ITGB6: variants seen among roughly 807,000 people sequenced by gnomAD.
The protein encoded by ITGB6 is integrin subunit beta 6.
In ITGB6, 80 loss-of-function variants were observed where a neutral mutation model predicts 84.5. The observed-to-expected ratio is 0.95, with a 90% CI of 0.79 to 1.14. The LOEUF is 1.14. Among genes scored for constraint, ITGB6 ranks in the 50% most tolerant of loss-of-function variants. The pLI, the probability that ITGB6 is intolerant of heterozygous loss-of-function variation, is 0.00. For synonymous variants in ITGB6, 383 were observed against 354.9 expected, an observed-to-expected ratio of 1.08 and a Z score of -0.89; for missense variants, 1,006 against 968.0, an observed-to-expected ratio of 1.04 and a Z score of -0.52.
chr2:160,190,975 A>T (rs1424798070), intron 4 of ITGB6, among the ~76,000 whole-genome samples: 2 of 152,202 alleles, frequency 1.3e-5, no homozygotes, highest in Non-Finnish European at 2.9e-5. Context: ...GAATTGCCCT[A>T]CTAATCTCTC....
At chr2:160,139,106 A>G (rs1313098176) in intron 8 of ITGB6, among the ~76,000 whole-genome samples, 1 of 152,200 alleles carries the variant, frequency 6.6e-6, no homozygotes, top group East Asian at 1.9e-4. Context: ...TTTCCTCAAG[A>G]AGTTTATCAT....
intron 5 of ITGB6, among the ~76,000 whole-genome samples, chr2:160,173,514 G>A (rs1019993989): frequency 6.6e-6 from 1 of 152,196 alleles, no homozygotes; most frequent in Non-Finnish European, 1.5e-5. Flanking sequence ...CAGTCAAGGA[G>A]GAGCAGTGTT....
chr2:160,110,231 A>C (rs1697079162), intron 13 of ITGB6, among the ~76,000 whole-genome samples: 3 of 152,166 alleles, frequency 2.0e-5, no homozygotes, highest in Non-Finnish European at 4.4e-5. Flanking sequence ...CAGACCTAGA[A>C]AATTATTTAA....
chr2:160,117,214 T>C (rs554559311), intron 12 of ITGB6, among the ~76,000 whole-genome samples: 4 of 152,210 alleles, frequency 2.6e-5, no homozygotes, highest in East Asian at 1.9e-4. Context: ...AATATACATT[T>C]TTTTCAGCAC....
chr2:160,104,898 G>A (rs942022702), intron 14 of ITGB6, among the ~76,000 whole-genome samples: 1 of 152,186 alleles, frequency 6.6e-6, no homozygotes, highest in African/African-American at 2.4e-5. Flanking sequence ...TCTGTCTTAA[G>A]CCCTGTCACT....
chr2:160,170,192 A>G (rs1685150237), intron 6 of ITGB6, among the ~76,000 whole-genome samples: 1 of 152,226 alleles, frequency 6.6e-6, no homozygotes, highest in South Asian at 2.1e-4. Context: ...AAAGGGAGGA[A>G]CACTGATAAA....
chr2:160,191,641 T>C (rs1686148052), intron 4 of ITGB6, among the ~76,000 whole-genome samples: 1 of 152,110 alleles, frequency 6.6e-6, no homozygotes, highest in African/African-American at 2.4e-5. Flanking sequence ...CTACATCAAC[T>C]TAAAAGGGTA....
intron 7 of ITGB6, among the ~76,000 whole-genome samples, chr2:160,149,003 C>T (rs920984497): frequency 2.0e-5 from 3 of 152,238 alleles, no homozygotes; most frequent in African/African-American, 7.2e-5. Context: ...CTCTAGACTC[C>T]ACCACTGTAG....
chr2:160,137,754 A>C lies in ITGB6; in HGVS notation c.1340T>G (p.Leu447Arg). 2 of 1,614,226 alleles carry C rather than the reference A, an allele frequency of 1.2e-6. No individual in the cohort carries two copies. The highest frequency in any genetic ancestry group is 1.7e-6 in the Non-Finnish European group (2 of 1,180,038). The change falls in exon 10 of 15, where the codon CTT (leucine) becomes CGT (arginine). Residue 447 changes from leucine (L) to arginine (R), a missense_variant. Physicochemically the swap from Leu to Arg is moderately radical, Grantham distance 102 (BLOSUM62 -2). Transcript: ENST00000283249. ...GTCGCAGTTGCATTCTGGGCTGACA[A>C]GTAATTCCAGGGCATCCCCCAGCCC... ...PVGLGDALEL[L>R]VSPECNCDCQ...
At chr2:160,147,036 C>T (rs2105831870) in intron 7 of ITGB6, among the ~76,000 whole-genome samples, 1 of 147,562 alleles carries the variant, frequency 6.8e-6, no homozygotes, top group South Asian at 2.1e-4. Flanking sequence ...GAGGTTGGGG[C>T]TGCAGCCACT....
At chr2:160,172,073 G>A (rs954624089) in intron 6 of ITGB6, among the ~76,000 whole-genome samples, 2 of 152,178 alleles carry the variant, frequency 1.3e-5, no homozygotes, top group Non-Finnish European at 2.9e-5. Flanking sequence ...AGAGTTAGCT[G>A]TTTTCTTTGA....
Position 160,196,440 on chromosome 2 carries a change from A to G in ITGB6, c.142-20T>C. Reference sequence around the variant, plus strand: ...AAAATTCTAAAAAAGAAAAAGAAAAACAATAACCAGAAAAAGAAAACAAAT... The same window carrying G: ...AAAATTCTAAAAAAGAAAAAGAAAAGCAATAACCAGAAAAAGAAAACAAAT... On this transcript the variant is annotated intron_variant, in intron 2 of 14. Coordinates refer to ENST00000283249, the MANE Select transcript of ITGB6 (RefSeq NM_000888.5). 6.4e-7 allele frequency: 1 copy of G among 1,572,124 alleles called. No individual in the cohort carries two copies. Among genetic ancestry groups the G allele is most frequent in the Non-Finnish European group, 8.7e-7 (1 of 1,154,878 alleles).
intron 12 of ITGB6, among the ~76,000 whole-genome samples, chr2:160,115,317 C>T (rs1212927984): frequency 6.6e-6 from 1 of 152,184 alleles, no homozygotes; most frequent in Non-Finnish European, 1.5e-5. Context: ...GAATATCAGG[C>T]AGCAGCATTT....
At chr2:160,162,406 A>G (rs1293071109) in intron 7 of ITGB6, among the ~76,000 whole-genome samples, 2 of 152,144 alleles carry the variant, frequency 1.3e-5, no homozygotes, top group Admixed American at 6.5e-5. Context: ...ACATATTTTT[A>G]ATAGCACAAA....
At chr2:160,137,144 G>A (rs1486402180) in intron 10 of ITGB6, among the ~76,000 whole-genome samples, 1 of 152,032 alleles carries the variant, frequency 6.6e-6, no homozygotes, top group Non-Finnish European at 1.5e-5. Flanking sequence ...CATATAACAG[G>A]CACTTTTGTA....
At chr2:160,138,257 G>A (rs57436568) in intron 8 of ITGB6, 58 bp from the exon 9 acceptor site, 6 of 1,475,880 alleles carry the variant, frequency 4.1e-6, no homozygotes, top group Non-Finnish European at 3.6e-6. Context: ...ATAGCCAGAA[G>A]AAGAAACCGT....
chr2:160,182,664 G>C (rs1685728904), intron 4 of ITGB6, among the ~76,000 whole-genome samples: 1 of 152,096 alleles, frequency 6.6e-6, no homozygotes, highest in Admixed American at 6.5e-5. Flanking sequence ...TACTCCCCAA[G>C]AAGAGCAACT....
chr2:160,102,369 T>C (rs1239935017), intron 14 of ITGB6, among the ~76,000 whole-genome samples: 4 of 152,156 alleles, frequency 2.6e-5, no homozygotes, highest in Admixed American at 1.3e-4. Context: ...AACTCAGAAG[T>C]GGGAGAAAGT....
Position 160,196,380 on chromosome 2 carries a change from G to T in ITGB6, c.182C>A (p.Thr61Asn), listed in dbSNP as rs1219149761. 3.1e-6 allele frequency: 5 copies of T among 1,613,748 alleles called. No individual in the cohort carries two copies. The highest frequency in any genetic ancestry group is 1.1e-5 in the South Asian group (1 of 91,068). The change falls in exon 3 of 15, where the codon ACC becomes AAC. Residue 61 changes from threonine (T) to asparagine (N), a missense_variant. Thr to Asn is a moderately conservative substitution (Grantham distance 65). Transcript: ENST00000283249. ...HPSGVGERCD[T>N]PANLLAKGCQ... is the part of the protein sequence containing the mutation. ...TCCTTTAGCTAAAAGGTTTGCTGGG[G>T]TATCACACCTTTCGCCAACTCCAGA...
Sources: gnomAD v4.1 joint callset for allele counts (sites outside exome capture counted in the v4.1 genomes callset) on GRCh38, gnomAD v4.1.1 for gene constraint, MANE v1.5 for transcripts, NCBI Gene and HGNC (gene_info 2026-07-23, HGNC 2026-07-21) for gene names.